The following CENPP variants were observed in gnomAD, a reference collection of about 807,000 sequenced individuals.
The protein encoded by CENPP is centromere protein P.
A neutral mutation model predicts 35.6 loss-of-function variants in CENPP; 24 were observed. The observed-to-expected ratio is 0.67, with a 90% confidence interval of 0.49 to 0.95. CENPP has a LOEUF of 0.95. Ranked by LOEUF, CENPP falls within the 40% of genes least tolerant of loss-of-function variation. CENPP has a pLI of 0.00. For synonymous variants in CENPP, 120 were observed against 125.5 expected, an observed-to-expected ratio of 0.96 and a Z score of 0.29; for missense variants, 332 against 345.3, an observed-to-expected ratio of 0.96 and a Z score of 0.31.
chr9:92,353,220 G>A (rs1384843208), intron 4 of CENPP, among the ~76,000 whole-genome samples: 2 of 152,260 alleles, frequency 1.3e-5, no homozygotes, highest in African/African-American at 4.8e-5. Flanking sequence ...AAAGAAGAAG[G>A]AAGTACTCAT....
intron 4 of CENPP, among the ~76,000 whole-genome samples, chr9:92,364,664 A>G (rs1331755806): frequency 6.6e-6 from 1 of 152,218 alleles, no homozygotes; most frequent in Non-Finnish European, 1.5e-5. Context: ...AAATAAATAA[A>G]TACATATATG....
chr9:92,505,042 C>T (rs1846913525), intron 5 of CENPP, among the ~76,000 whole-genome samples: 1 of 152,228 alleles, frequency 6.6e-6, no homozygotes, highest in South Asian at 2.1e-4. Flanking sequence ...TTGTAAGCTA[C>T]AGAGTTGCTG....
At chr9:92,455,554 T>C (rs1227197622) in intron 5 of CENPP, among the ~76,000 whole-genome samples, 2 of 152,010 alleles carry the variant, frequency 1.3e-5, no homozygotes, top group African/African-American at 4.8e-5. Flanking sequence ...GTTGAGTAAC[T>C]CCACTGTGAA....
chr9:92,352,340 T>G (rs187871197), intron 4 of CENPP, among the ~76,000 whole-genome samples: 1 of 150,048 alleles, frequency 6.7e-6, no homozygotes, highest in East Asian at 2.0e-4. Flanking sequence ...ACTGCACTCC[T>G]CTGGGTGACA....
At chr9:92,610,523 C>G (rs961763633) in intron 5 of CENPP, 1 of 152,212 alleles carries the variant, frequency 6.6e-6, no homozygotes, top group Non-Finnish European at 1.5e-5. Context: ...CCTGCTGTAA[C>G]AGAAACAGCA....
At chr9:92,577,913 A>C (rs1850323219) in intron 5 of CENPP, among the ~76,000 whole-genome samples, 1 of 149,710 alleles carries the variant, frequency 6.7e-6, no homozygotes, top group African/African-American at 2.5e-5. Flanking sequence ...CTCATCATCT[A>C]CCATTAGGTA....
chr9:92,399,546 T>A (rs1297309403), intron 5 of CENPP, among the ~76,000 whole-genome samples: 1 of 152,220 alleles, frequency 6.6e-6, no homozygotes, highest in Non-Finnish European at 1.5e-5. Flanking sequence ...TTACCACAGG[T>A]ATTTTTAGGG....
chr9:92,337,830 T>C (rs1378246762), intron 3 of CENPP, among the ~76,000 whole-genome samples: 3 of 152,184 alleles, frequency 2.0e-5, no homozygotes, highest in Non-Finnish European at 1.5e-5. Flanking sequence ...GGTAGGGTTG[T>C]TGTGAAAGCC....
At chr9:92,467,130 A>C (rs1158473268) in intron 5 of CENPP, among the ~76,000 whole-genome samples, 1 of 152,216 alleles carries the variant, frequency 6.6e-6, no homozygotes, top group Non-Finnish European at 1.5e-5. Context: ...ATCCTGAGAA[A>C]TGACTCAATC....
At chr9:92,469,804 C>T (rs1364213217) in intron 5 of CENPP, among the ~76,000 whole-genome samples, 1 of 152,126 alleles carries the variant, frequency 6.6e-6, no homozygotes, top group Non-Finnish European at 1.5e-5. Context: ...CTCCTCCAAA[C>T]CCAATTTCAG....
At chr9:92,342,657 G>T (rs1283598731) in intron 3 of CENPP, among the ~76,000 whole-genome samples, 1 of 152,230 alleles carries the variant, frequency 6.6e-6, no homozygotes, top group Non-Finnish European at 1.5e-5. Flanking sequence ...AATCAACAGG[G>T]TTTTTGGAAT....
At chr9:92,453,522 A>C (rs1041404198) in intron 5 of CENPP, among the ~76,000 whole-genome samples, 14 of 152,146 alleles carry the variant, frequency 9.2e-5, no homozygotes, top group Admixed American at 6.5e-5. Flanking sequence ...ACTTCCAACT[A>C]TATGGTCAAT....
intron 5 of CENPP, among the ~76,000 whole-genome samples, chr9:92,387,499 C>G (rs940730614): frequency 6.6e-6 from 1 of 152,144 alleles, no homozygotes; most frequent in Non-Finnish European, 1.5e-5. Flanking sequence ...TGATCAGTAA[C>G]CCATTATTGT....
Position 92,416,149 on chromosome 9 carries a change from G to A in CENPP, c.564+36290G>A, listed in dbSNP as rs897695274. Reference sequence around the variant, plus strand: ...GAGTTTTGCTCTGTCATCCAGGCCAGAAAGCAGTGGCATGATCTCAGCTCA... The same window carrying A: ...GAGTTTTGCTCTGTCATCCAGGCCAAAAAGCAGTGGCATGATCTCAGCTCA... On this transcript the variant is annotated intron_variant, in intron 5 of 7. Coordinates refer to ENST00000375587, the MANE Select transcript of CENPP (RefSeq NM_001012267.3). 2.0e-5 allele frequency among the ~76,000 whole-genome samples: 3 copies of A among 148,032 alleles called. No individual in the cohort carries two copies. In the South Asian group the frequency reaches 6.4e-4, roughly 32 times the overall value.
chr9:92,568,041 T>G (rs1318037597), intron 5 of CENPP, among the ~76,000 whole-genome samples: 1 of 152,154 alleles, frequency 6.6e-6, no homozygotes, highest in Admixed American at 6.5e-5. Context: ...GCTCTCCAAT[T>G]AAAAGACAAG....
chr9:92,582,615 G>A lies in CENPP; in HGVS notation c.565-28699G>A, dbSNP rs532853390. Among the ~76,000 whole-genome samples, 11 of 150,922 alleles carry A rather than the reference G, an allele frequency of 7.3e-5. No individual in the cohort carries two copies. In the South Asian group the frequency reaches 1.0e-3, roughly 14 times the overall value. On this transcript the variant is annotated intron_variant, in intron 5 of 7. Coordinates refer to ENST00000375587, the MANE Select transcript of CENPP (RefSeq NM_001012267.3). ...TCTTTTATTATCTGTGTTCAATAAC[G>A]GTGTCCTTTCTGGAAAAAAAAAAAA...
chr9:92,602,233 C>T (rs772107456), intron 5 of CENPP, among the ~76,000 whole-genome samples: 10 of 152,164 alleles, frequency 6.6e-5, no homozygotes, highest in Non-Finnish European at 1.2e-4. Flanking sequence ...TGAGTGGATA[C>T]TGATACAAAT....
intron 5 of CENPP, among the ~76,000 whole-genome samples, chr9:92,553,306 G>A (rs1293124780): frequency 1.3e-5 from 2 of 152,130 alleles, no homozygotes; most frequent in Non-Finnish European, 2.9e-5. Flanking sequence ...CTGTTTTGGT[G>A]ACTGTGGCCT....
chr9:92,369,024 A>G (rs1588065605), intron 4 of CENPP, among the ~76,000 whole-genome samples: 1 of 152,330 alleles, frequency 6.6e-6, no homozygotes, highest in East Asian at 1.9e-4. Flanking sequence ...AGGCTAGGTG[A>G]CAGAGCAACA....
Sources: gnomAD v4.1 joint callset for allele counts (sites outside exome capture counted in the v4.1 genomes callset) on GRCh38, gnomAD v4.1.1 for gene constraint, MANE v1.5 for transcripts, NCBI Gene and HGNC (gene_info 2026-07-23, HGNC 2026-07-21) for gene names.